The following DOCK5 variants were observed in gnomAD, a reference collection of about 807,000 sequenced individuals.
DOCK5 encodes the protein dedicator of cytokinesis 5.
Under a neutral mutation model 251.8 loss-of-function variants are expected in DOCK5, and 142 were observed. The ratio of observed to expected loss-of-function variants is 0.56; its 90% CI spans 0.49 to 0.65. DOCK5 has a LOEUF of 0.65. Ranked by LOEUF, DOCK5 falls within the 30% of genes least tolerant of loss-of-function variation. DOCK5 has a pLI of 0.00. For synonymous variants in DOCK5, 842 were observed against 835.5 expected (o/e 1.01, Z -0.13); for missense variants, 2,111 against 2,312.3 (o/e 0.91, Z 1.79).
At chr8:25,368,435 A>G (rs1254323537) in intron 32 of DOCK5, 136 bp from the exon 33 acceptor site, 9 of 1,132,634 alleles carry the variant, frequency 7.9e-6, no homozygotes, top group Non-Finnish European at 1.1e-5. Flanking sequence ...TCCACATGCT[A>G]TCAGAATCTG....
intron 22 of DOCK5, among the ~76,000 whole-genome samples, chr8:25,339,498 G>A (rs1805897506): frequency 6.6e-6 from 1 of 152,204 alleles, no homozygotes; most frequent in African/African-American, 2.4e-5. Context: ...AATGAAGGCA[G>A]TGTTGGAGTG....
At chr8:25,340,563 A>G (rs1805926978) in intron 22 of DOCK5, among the ~76,000 whole-genome samples, 2 of 152,240 alleles carry the variant, frequency 1.3e-5, no homozygotes, top group South Asian at 2.1e-4. Flanking sequence ...AATTAAGGCA[A>G]GCATGTATCA....
At chr8:25,232,366 G>A (rs1172063885) in intron 1 of DOCK5, among the ~76,000 whole-genome samples, 1 of 152,172 alleles carries the variant, frequency 6.6e-6, no homozygotes, top group Non-Finnish European at 1.5e-5. Context: ...GCTTTGTTAT[G>A]CAGGACCAAC....
chr8:25,306,442 T>TA lies in DOCK5; in HGVS notation c.1049+2116dup, dbSNP rs544299321. On this transcript the variant is annotated intron_variant, in intron 11 of 51. Transcript: ENST00000276440. Reference sequence around the variant, plus strand: ...GAATTTAGGTCCGGGCGCATAGGCTTACGCCTGTAATCCCAGCACTTTGGG... The same window carrying TA: ...GAATTTAGGTCCGGGCGCATAGGCTTAACGCCTGTAATCCCAGCACTTTGGG... Among the ~76,000 whole-genome samples the TA allele has an allele frequency of 1.2e-4, 19 of 152,236 alleles. 1 individual carries two copies. In the East Asian group the frequency reaches 2.7e-3, roughly 22 times the overall value.
chr8:25,340,952 G>A lies in DOCK5; in HGVS notation c.2403G>A (p.Leu801=). The A allele has an allele frequency of 6.2e-7, 1 of 1,613,216 alleles. No individual in the cohort carries two copies. Among genetic ancestry groups the A allele is most frequent in the Non-Finnish European group, 8.5e-7 (1 of 1,179,590 alleles). The change falls in exon 23 of 52, where the codon CTG becomes CTA. Residue 801 remains leucine (L), a synonymous_variant. Coordinates refer to ENST00000276440, the MANE Select transcript of DOCK5 (RefSeq NM_024940.8). ...AGTTATTTCTTGCTTTCAATATGCT[G>A]ATGGACAGGCCTCTGGAGGAAGCCG... is the stretch of plus-strand genomic sequence containing the variant. ...IRQLFLAFNM[L]MDRPLEEAVK...
chr8:25,248,856 CA>C (rs780692006), intron 2 of DOCK5, among the ~76,000 whole-genome samples: 1 of 152,018 alleles, frequency 6.6e-6, no homozygotes, highest in African/African-American at 2.4e-5. Context: ...GTAAGGGGGT[CA>C]GGGGTCACCT....
At chr8:25,300,499 A>C in intron 8 of DOCK5, 77 bp from the exon 9 acceptor site, 1 of 1,281,296 alleles carries the variant, frequency 7.8e-7, no homozygotes, top group Non-Finnish European at 1.1e-6. Context: ...CTTCCCTTGT[A>C]AGTCTATACT....
chr8:25,331,084 G>A (rs1805671161), intron 18 of DOCK5, among the ~76,000 whole-genome samples: 1 of 151,994 alleles, frequency 6.6e-6, no homozygotes, highest in African/African-American at 2.4e-5. Context: ...ACCCCAGCCC[G>A]GGTGACAGAG....
chr8:25,246,717 T>C (rs867628495), intron 2 of DOCK5, among the ~76,000 whole-genome samples: 4,137 of 133,276 alleles, frequency 0.031, 196 homozygotes, highest in African/African-American at 0.096. Flanking sequence ...TGTGTGTGTG[T>C]GTGTGTGTGT....
rs1487267950 is a variant in DOCK5, at chr8:25,382,707, A to G, written c.4060A>G (p.Lys1354Glu). ...KRASFYENII[K>E]AMRPQPEYFA... Reference sequence around the variant, plus strand: ...GGCCTCATTTTATGAGAACATCATTAAGGCAATGAGGCCTCAGCCTGAATA... The same window carrying G: ...GGCCTCATTTTATGAGAACATCATTGAGGCAATGAGGCCTCAGCCTGAATA... Residue 1354 changes from lysine (K) to glutamate (E), a missense_variant, in exon 40 of 52, where the codon AAG (lysine) becomes GAG (glutamate). By Grantham distance (56) the Lys-to-Glu change is moderately conservative (BLOSUM62 1). This residue lies in a region of DOCK5 where 1,717 missense variants were observed against 1,892.4 expected (regional missense o/e 0.91). Transcript: ENST00000276440. 2 of 1,613,266 alleles carry G rather than the reference A, an allele frequency of 1.2e-6. No homozygotes were observed.
intron 26 of DOCK5, among the ~76,000 whole-genome samples, chr8:25,347,026 G>A (rs1020008494): frequency 6.6e-5 from 10 of 152,126 alleles, no homozygotes; most frequent in African/African-American, 2.4e-4. Context: ...GTGGTTTCAT[G>A]GCACAGGTGT....
chr8:25,269,884 G>A (rs955495874), intron 3 of DOCK5, among the ~76,000 whole-genome samples: 1 of 152,114 alleles, frequency 6.6e-6, no homozygotes, highest in South Asian at 2.1e-4. Flanking sequence ...TACACTTCAC[G>A]GACAGCATGA....
At chr8:25,269,408 G>T (rs899048396) in intron 3 of DOCK5, among the ~76,000 whole-genome samples, 1 of 152,156 alleles carries the variant, frequency 6.6e-6, no homozygotes. Context: ...AAACCGAAAA[G>T]TAGAGAACAT....
intron 41 of DOCK5, among the ~76,000 whole-genome samples, chr8:25,389,433 G>A (rs770468484): frequency 6.6e-6 from 1 of 152,166 alleles, no homozygotes; most frequent in Non-Finnish European, 1.5e-5. Flanking sequence ...CAAAAGAGGA[G>A]AGATAATAGA....
intron 1 of DOCK5, among the ~76,000 whole-genome samples, chr8:25,186,042 C>G (rs556431886): frequency 1.3e-5 from 2 of 152,248 alleles, no homozygotes; most frequent in African/African-American, 4.8e-5. Context: ...TTACTGAGGT[C>G]CTGTTTTTCC....
intron 1 of DOCK5, among the ~76,000 whole-genome samples, chr8:25,185,925 G>A (rs1437570074): frequency 6.6e-6 from 1 of 152,264 alleles, no homozygotes; most frequent in East Asian, 1.9e-4. Flanking sequence ...GTTAGACCTG[G>A]GGTGATTCCC....
At position 25,408,993 on chromosome 8, in the gene DOCK5, T is replaced by C. The variant is rs887630596; in HGVS notation, c.5404+53T>C. ...TTTTTACTAGGGAATGGAGTATGTTTATGCATCTGGGCAGTTTGTAACTAA... is the reference window on the plus strand; with the variant it reads ...TTTTTACTAGGGAATGGAGTATGTTCATGCATCTGGGCAGTTTGTAACTAA... On this transcript the variant is annotated intron_variant, in intron 50 of 51. Transcript: ENST00000276440. 152 of 1,611,420 alleles carry C rather than the reference T, an allele frequency of 9.4e-5. 2 individuals carry two copies. The highest frequency in any genetic ancestry group is 4.7e-4 in the South Asian group (43 of 91,012).
chr8:25,292,262 C>T (rs1804512281), intron 6 of DOCK5, 90 bp downstream of exon 6: 2 of 1,350,180 alleles, frequency 1.5e-6, no homozygotes, highest in Non-Finnish European at 2.0e-6. Flanking sequence ...GACCTTTGAT[C>T]TTAGAGTTGC....
intron 2 of DOCK5, among the ~76,000 whole-genome samples, chr8:25,245,907 CT>C (rs941310850): frequency 2.6e-5 from 4 of 152,114 alleles, no homozygotes; most frequent in Middle Eastern, 3.4e-3. Context: ...TATATGCTAA[CT>C]TTTTTTTCCT....
Sources: allele counts gnomAD v4.1 joint callset (sites outside exome capture counted in the v4.1 genomes callset), GRCh38; gene constraint gnomAD v4.1.1; regional missense constraint gnomAD v4.1.1; transcripts MANE v1.5; gene names NCBI Gene and HGNC (gene_info 2026-07-23, HGNC 2026-07-21).